Variants in SGCD observed in about 807,000 individuals in gnomAD.
The protein encoded by SGCD is sarcoglycan delta, also known as delta-sarcoglycan.
Under a neutral mutation model 36.6 loss-of-function variants are expected in SGCD, and 18 were observed. The ratio of observed to expected loss-of-function variants is 0.49; its 90% CI spans 0.34 to 0.73. The LOEUF is 0.73. SGCD is among the 30% of genes least tolerant of loss of function. SGCD has a pLI of 0.01. For missense variants in SGCD, 387 were observed against 346.7 expected (o/e 1.12, Z -0.92); for synonymous variants, 133 against 130.6 (o/e 1.02, Z -0.12).
intron 6 of SGCD, among the ~76,000 whole-genome samples, chr5:156,644,025 A>C (rs1763139111): frequency 6.6e-6 from 1 of 152,180 alleles, no homozygotes; most frequent in African/African-American, 2.4e-5. Context: ...AATCATGTTC[A>C]TCAGGAAAAA....
chr5:155,770,238 A>G, the SGCD span, among the ~76,000 whole-genome samples: 2 of 151,982 alleles, frequency 1.3e-5, no homozygotes, highest in African/African-American at 4.8e-5. Flanking sequence ...ACCAAACATA[A>G]TACCAGGAGA....
chr5:155,783,111 G>A, the SGCD span, among the ~76,000 whole-genome samples: 2 of 152,096 alleles, frequency 1.3e-5, no homozygotes, highest in Admixed American at 1.3e-4. Context: ...TGGGAAATAA[G>A]TATCTATTTT....
Position 156,070,761 on chromosome 5 carries a change from T to G in SGCD, c.-281-47117T>G, listed in dbSNP as rs573268768. 1.5e-3 allele frequency among the ~76,000 whole-genome samples: 233 copies of G among 152,276 alleles called. 3 individuals are homozygous for G. Among genetic ancestry groups the G allele is most frequent in the African/African-American group, 5.3e-3 (221 of 41,530 alleles). Reference sequence around the variant, plus strand: ...ATTCGGCTGTGAATCCATCTGGTCCTGCACTCTTTTTGGTTGGTAAGCTAT... The same window carrying G: ...ATTCGGCTGTGAATCCATCTGGTCCGGCACTCTTTTTGGTTGGTAAGCTAT... On this transcript the variant is annotated intron_variant, in intron 1 of 9. Transcript: ENST00000517913.
intron 3 of SGCD, among the ~76,000 whole-genome samples, chr5:156,163,727 G>A (rs1335565170): frequency 6.6e-6 from 1 of 151,352 alleles, no homozygotes. Context: ...ATTATCAAAA[G>A]AAATCATTTT....
chr5:156,226,400 C>A lies in SGCD; in HGVS notation c.-44+102381C>A, dbSNP rs60762395. On this transcript the variant is annotated intron_variant, in intron 3 of 9. Coordinates refer to the SGCD transcript ENST00000517913. ...CAGGTCACTGCGACTGCCATTAATT[C>A]ATTTCTTTTTATGGCTAAGTAGTAT... Among the ~76,000 whole-genome samples, 1,009 of 152,194 alleles carry A rather than the reference C, an allele frequency of 6.6e-3. 8 individuals are homozygous for A. Among genetic ancestry groups the A allele is most frequent in the African/African-American group, 0.022 (909 of 41,544 alleles).
intron 2 of SGCD, among the ~76,000 whole-genome samples, chr5:156,329,917 T>C (rs1156309557): frequency 6.8e-6 from 1 of 147,050 alleles, no homozygotes; most frequent in Non-Finnish European, 1.5e-5. Flanking sequence ...CTCGGGAGGC[T>C]GATGCAGGAG....
At chr5:156,279,832 G>A (rs933354103) in intron 3 of SGCD, among the ~76,000 whole-genome samples, 3 of 152,082 alleles carry the variant, frequency 2.0e-5, no homozygotes, top group Admixed American at 6.6e-5. Context: ...GGTGAGTACA[G>A]TTTTGTACAA....
At chr5:156,684,593 A>G (rs1457298166) in intron 7 of SGCD, among the ~76,000 whole-genome samples, 1 of 151,846 alleles carries the variant, frequency 6.6e-6, no homozygotes, top group Non-Finnish European at 1.5e-5. Context: ...GCTTCTGTGA[A>G]CCCCCAAACT....
intron 3 of SGCD, among the ~76,000 whole-genome samples, chr5:156,450,446 T>C (rs1753956988): frequency 6.6e-6 from 1 of 151,740 alleles, no homozygotes; most frequent in Admixed American, 6.6e-5. Flanking sequence ...TAAAGCTGCA[T>C]TTAAAAGTCA....
chr5:156,159,604 G>A (rs1763043069), intron 3 of SGCD, among the ~76,000 whole-genome samples: 1 of 151,522 alleles, frequency 6.6e-6, no homozygotes, highest in South Asian at 2.1e-4. Flanking sequence ...GAAACATTTA[G>A]TAGAATTTAT....
intron 3 of SGCD, among the ~76,000 whole-genome samples, chr5:156,296,026 A>G (rs1041611700): frequency 6.6e-6 from 1 of 152,198 alleles, no homozygotes; most frequent in African/African-American, 2.4e-5. Context: ...AGAGAATGGG[A>G]CCTGTGAGCC....
rs80253320 is a variant in SGCD at position 156,391,009 on chromosome 5, A to G, written c.192+46332A>G. ...ATAAAGTCTACAGTAGTGTTCAGCA[A>G]TATCCTAGGCTCTCACATTCACTCA... is the stretch of plus-strand genomic sequence containing the variant. On this transcript the variant is annotated intron_variant, in intron 3 of 8. Coordinates refer to ENST00000337851, the MANE Select transcript of SGCD (RefSeq NM_000337.6). Among the ~76,000 whole-genome samples, 543 of 152,320 alleles carry G rather than the reference A, an allele frequency of 3.6e-3. 5 individuals are homozygous for G. Among genetic ancestry groups the G allele is most frequent in the African/African-American group, 0.012 (510 of 41,556 alleles).
chr5:156,459,198 T>C (rs2093690101), intron 3 of SGCD, among the ~76,000 whole-genome samples: 1 of 152,126 alleles, frequency 6.6e-6, no homozygotes, highest in African/African-American at 2.4e-5. Context: ...AAGTACATAA[T>C]TGTGTGTATA....
the SGCD span, among the ~76,000 whole-genome samples, chr5:155,805,510 T>G: frequency 6.6e-6 from 1 of 152,210 alleles, no homozygotes; most frequent in Non-Finnish European, 1.5e-5. Context: ...AATATTTCCT[T>G]TGGGGGTCTG....
intron 1 of SGCD, among the ~76,000 whole-genome samples, chr5:156,005,513 T>G (rs377660754): frequency 2.0e-5 from 3 of 152,172 alleles, no homozygotes; most frequent in East Asian, 1.9e-4. Context: ...TGCAGTGGCG[T>G]GATCTTGGCT....
At position 156,522,438 on chromosome 5, in the gene SGCD, A is replaced by G. The variant is rs188443869; in HGVS notation, c.294+13736A>G. ...AATGAAATCATGCCCTTTTCAGGAC[A>G]TAGATGGAGCTGGAAGCCATTATCC... On this transcript the variant is annotated intron_variant, in intron 4 of 8. Coordinates refer to ENST00000337851, the MANE Select transcript of SGCD (RefSeq NM_000337.6). Among the ~76,000 whole-genome samples the G allele has an allele frequency of 2.2e-3, 337 of 152,304 alleles. 1 individual carries two copies. Among genetic ancestry groups the G allele is most frequent in the African/African-American group, 7.6e-3 (318 of 41,576 alleles).
chr5:156,651,031 G>A (rs563149903), intron 7 of SGCD, among the ~76,000 whole-genome samples: 1 of 152,122 alleles, frequency 6.6e-6, no homozygotes, highest in South Asian at 2.1e-4. Context: ...ATGTGAGATA[G>A]TATCTCATTG....
chr5:156,608,998 A>C (rs559111839), intron 6 of SGCD, among the ~76,000 whole-genome samples: 76 of 152,242 alleles, frequency 5.0e-4, no homozygotes, highest in African/African-American at 1.8e-3. Flanking sequence ...CTCTTTATCC[A>C]ATTTGCCAGT....
chr5:156,322,838 G>A (rs961523935), upstream of SGCD, among the ~76,000 whole-genome samples: 2 of 152,168 alleles, frequency 1.3e-5, no homozygotes, highest in Admixed American at 6.5e-5. Context: ...TCCCTTTTAG[G>A]CAATGGTCAG....
Sources: allele counts gnomAD v4.1 joint callset (sites outside exome capture counted in the v4.1 genomes callset), GRCh38; gene constraint gnomAD v4.1.1; transcripts MANE v1.5; gene names NCBI Gene and HGNC (gene_info 2026-07-23, HGNC 2026-07-21).